SEPSECS: variants seen among roughly 807,000 people sequenced by gnomAD.
SEPSECS encodes the protein O-phosphoseryl-tRNA(Sec) selenium transferase.
SEPSECS carries 42 observed loss-of-function variants against 52.1 expected under a neutral mutation model. That is an observed-to-expected ratio of 0.81 (90% CI 0.63 to 1.04). SEPSECS has a LOEUF of 1.04. Ranked by LOEUF, SEPSECS falls within the 50% of genes least tolerant of loss-of-function variation. The probability of loss-of-function intolerance (pLI) is 0.00; values close to 1 mark genes in which losing one functional copy is unlikely to be tolerated. For missense variants in SEPSECS, 590 were observed against 610.6 expected (o/e 0.97, Z 0.36); for synonymous variants, 216 against 211.4 (o/e 1.02, Z -0.19).
chr4:25,158,318 G>C (rs1712813646), intron 2 of SEPSECS, among the ~76,000 whole-genome samples: 1 of 152,156 alleles, frequency 6.6e-6, no homozygotes, highest in Admixed American at 6.5e-5. Context: ...GAAGACAGGA[G>C]TTTCATTTAA....
intron 5 of SEPSECS, among the ~76,000 whole-genome samples, chr4:25,153,108 G>C (rs1246023583): frequency 2.6e-5 from 4 of 151,616 alleles, no homozygotes; most frequent in Non-Finnish European, 5.9e-5. Context: ...TTATCAATTT[G>C]CTTGCTTGAA....
Position 25,156,721 on chromosome 4 carries a change from A to C in SEPSECS, c.388+135T>G, listed in dbSNP as rs1577631504. ...AGACTCCGTCTCAAAAAAAAAAAAA[A>C]AAAAAAAAAAAAAAGAAGTCTTTTC... On this transcript the variant is annotated intron_variant, in intron 3 of 10. Coordinates refer to ENST00000382103, the MANE Select transcript of SEPSECS (RefSeq NM_016955.4). 1.3e-5 allele frequency: 7 copies of C among 536,848 alleles called. 1 individual carries two copies. The Admixed American group carries it at 2.1e-4, about 16-fold the overall frequency. 33.3% of individuals were successfully genotyped at this position (536,848 alleles called of 1,614,324 possible).
chr4:25,160,048 T>A, intron 1 of SEPSECS: 8 of 985,344 alleles, frequency 8.1e-6, no homozygotes, highest in Non-Finnish European at 9.6e-6. Flanking sequence ...CACCCCCTCC[T>A]AACAACACCA....
At chr4:25,157,238 G>A (rs1463269262) in intron 2 of SEPSECS, among the ~76,000 whole-genome samples, 1 of 152,132 alleles carries the variant, frequency 6.6e-6, no homozygotes, top group Non-Finnish European at 1.5e-5. Flanking sequence ...CCCACACCAA[G>A]AGATGGAGTC....
intron 6 of SEPSECS, among the ~76,000 whole-genome samples, chr4:25,149,684 TA>T (rs1712188452): frequency 6.6e-6 from 1 of 152,044 alleles, no homozygotes; most frequent in African/African-American, 2.4e-5. Context: ...GAGAAGCTGC[TA>T]AAAATTACAC....
At chr4:25,152,125 G>T in intron 5 of SEPSECS, 63 bp from the exon 6 acceptor site, 3 of 1,043,706 alleles carry the variant, frequency 2.9e-6, no homozygotes, top group Non-Finnish European at 1.5e-6. Context: ...TGATAGTGCA[G>T]AAAGTTTTTT....
intron 8 of SEPSECS, among the ~76,000 whole-genome samples, chr4:25,144,298 C>A (rs992445746): frequency 1.4e-5 from 2 of 147,282 alleles, no homozygotes; most frequent in Non-Finnish European, 3.0e-5. Context: ...CAAGATCGTG[C>A]CATTGCACTC....
intron 2 of SEPSECS, 95 bp from the exon 3 acceptor site, chr4:25,157,069 C>A: frequency 2.6e-6 from 2 of 779,938 alleles, no homozygotes; most frequent in East Asian, 5.0e-5. Flanking sequence ...AAAAAAACAC[C>A]AGGAGCAATA....
chr4:25,156,807 G>A (rs760450443), intron 3 of SEPSECS, 49 bp downstream of exon 3: 13 of 867,556 alleles, frequency 1.5e-5, no homozygotes, highest in Non-Finnish European at 2.6e-5. Context: ...TCAGTGGTGT[G>A]TGTGTGTGTC....
At chr4:25,159,129 ATGATTATATTT>A in intron 1 of SEPSECS, 22 bp from the exon 2 acceptor site, 2 of 1,493,684 alleles carry the variant, frequency 1.3e-6, no homozygotes, top group Non-Finnish European at 1.8e-6. Flanking sequence ...AAAAAAACTT[ATGATTATATTT>A]AATAAAACTA....
intron 8 of SEPSECS, among the ~76,000 whole-genome samples, chr4:25,141,276 A>G (rs1455637328): frequency 6.6e-6 from 1 of 152,046 alleles, no homozygotes. Context: ...CTCAGTCCTT[A>G]TACCTCTTTT....
At chr4:25,143,719 T>C (rs1016654175) in intron 8 of SEPSECS, among the ~76,000 whole-genome samples, 1 of 152,190 alleles carries the variant, frequency 6.6e-6, no homozygotes, top group Non-Finnish European at 1.5e-5. Context: ...TTTTTAAACT[T>C]GTTATGTATT....
chr4:25,155,932 A>G (rs1023580715), intron 4 of SEPSECS, 105 bp downstream of exon 4: 1 of 1,090,336 alleles, frequency 9.2e-7, no homozygotes, highest in African/African-American at 1.6e-5. Context: ...TTAAAAAAGC[A>G]ATAGGGAAGA....
At chr4:25,128,237 C>T (rs1014442861) in intron 8 of SEPSECS, among the ~76,000 whole-genome samples, 2 of 152,116 alleles carry the variant, frequency 1.3e-5, no homozygotes, top group Non-Finnish European at 2.9e-5. Context: ...TCTTCACCAC[C>T]GTTGCCCCAA....
chr4:25,152,783 T>A (rs1467258473), intron 5 of SEPSECS, among the ~76,000 whole-genome samples: 1 of 151,932 alleles, frequency 6.6e-6, no homozygotes, highest in African/African-American at 2.4e-5. Context: ...GCCAAATACT[T>A]CTTGTGACTG....
chr4:25,158,807 G>C (rs2109038644), intron 2 of SEPSECS, 146 bp downstream of exon 2: 1 of 753,350 alleles, frequency 1.3e-6, no homozygotes, highest in South Asian at 1.7e-5. Context: ...TCTCCCTGTT[G>C]CATTTGGCTT....
intron 5 of SEPSECS, among the ~76,000 whole-genome samples, chr4:25,153,167 C>A (rs976438918): frequency 6.6e-6 from 1 of 151,836 alleles, no homozygotes; most frequent in Non-Finnish European, 1.5e-5. Flanking sequence ...ACAAACCCTA[C>A]AAATTGATAT....
chr4:25,160,418 G>T lies in SEPSECS; in HGVS notation c.-49C>A, dbSNP rs546938016. The T allele has an allele frequency of 1.4e-6, 2 of 1,448,642 alleles. No individual in the cohort carries two copies. The highest frequency in any genetic ancestry group is 1.9e-6 in the Non-Finnish European group (2 of 1,059,282). The allele number at this position is 1,448,642 out of a possible 1,614,324, so 89.7% of individuals were successfully genotyped here. A position where few individuals can be genotyped will look rare whatever the true frequency, so the allele number is the denominator to read the frequency against. ...ATAAGCGGGAGCACTAGCTCCACAC[G>T]CCAGACACACGACGGAACCAGAATG... On this transcript the variant is annotated 5_prime_UTR_variant, in exon 1 of 11. Transcript: ENST00000382103.
Position 25,122,589 on chromosome 4 carries a change from AG to A in SEPSECS, c.*1341del, listed in dbSNP as rs762253134. 11 of 152,300 alleles carry A rather than the reference AG, an allele frequency of 7.2e-5. No homozygotes were observed. In the East Asian group the frequency reaches 2.1e-3, roughly 29 times the overall value. 9.4% of individuals were successfully genotyped at this position (152,300 alleles called of 1,614,324 possible). The stretch of plus-strand genomic sequence containing the variant: ...AATATGCCAACAGGCAGGTTTGCAA[AG>A]GCAGCTCCCAAAATTATTTGTCTGT... On this transcript the variant is annotated 3_prime_UTR_variant, in exon 11 of 11. Transcript: ENST00000382103.
Sources: gnomAD v4.1 joint callset for allele counts (sites outside exome capture counted in the v4.1 genomes callset) on GRCh38, gnomAD v4.1.1 for gene constraint, MANE v1.5 for transcripts, NCBI Gene and HGNC (gene_info 2026-07-23, HGNC 2026-07-21) for gene names.